THADA: variants seen among roughly 807,000 people sequenced by gnomAD.
THADA encodes the protein tRNA (32-2'-O)-methyltransferase regulator THADA.
Under a neutral mutation model 219.8 loss-of-function variants are expected in THADA, and 213 were observed. That is an observed-to-expected ratio of 0.97 (90% CI 0.87 to 1.09). The LOEUF (loss-of-function observed/expected upper bound fraction) is 1.09, where lower values mean the gene tolerates loss of function less well. THADA is among the 50% of genes least tolerant of loss of function. THADA has a pLI of 0.00. For missense variants in THADA, 2,956 were observed against 2,311.3 expected, an observed-to-expected ratio of 1.28 and a Z score of -5.72; for synonymous variants, 1,018 against 828.9, an observed-to-expected ratio of 1.23 and a Z score of -3.92.
chr2:43,529,467 C>G (rs1299794593), intron 21 of THADA, among the ~76,000 whole-genome samples: 2 of 152,192 alleles, frequency 1.3e-5, no homozygotes, highest in African/African-American at 4.8e-5. Context: ...CTGCATCAGC[C>G]TCCCGAGTAG....
intron 19 of THADA, 108 bp from the exon 20 acceptor site, chr2:43,549,476 A>G: frequency 8.8e-7 from 1 of 1,132,292 alleles, no homozygotes; most frequent in African/African-American, 1.6e-5. Flanking sequence ...CTTAATAATC[A>G]GCTTTATTAG....
intron 3 of THADA, 65 bp downstream of exon 3, chr2:43,591,887 T>C: frequency 8.8e-7 from 1 of 1,138,174 alleles, no homozygotes; most frequent in Non-Finnish European, 1.2e-6. Flanking sequence ...GTCAGTGATT[T>C]TTTTTAAATC....
Position 43,595,020 on chromosome 2 carries a change from A to C in THADA, c.-25+911T>G, listed in dbSNP as rs563785015. Among the ~76,000 whole-genome samples, 22 of 152,336 alleles carry C rather than the reference A, an allele frequency of 1.4e-4. No individual in the cohort carries two copies. In the South Asian group the frequency reaches 4.3e-3, roughly 30 times the overall value. On this transcript the variant is annotated intron_variant, in intron 1 of 37. Coordinates refer to ENST00000405975, the MANE Select transcript of THADA (RefSeq NM_022065.5). ...CAAACTGAATGAAGGCAGCAACTTT[A>C]ATCTATTTTGTTCATGTTTCAAGTC... is the stretch of plus-strand genomic sequence containing the variant.
intron 15 of THADA, chr2:43,563,580 G>A (rs1376302030): frequency 6.6e-6 from 1 of 152,090 alleles, no homozygotes; most frequent in Non-Finnish European, 1.5e-5. Context: ...CCTTGTTTGG[G>A]ACTGTGAATA....
chr2:43,298,103 A>G (rs1278253014), intron 31 of THADA, among the ~76,000 whole-genome samples: 2 of 90,838 alleles, frequency 2.2e-5, no homozygotes, highest in East Asian at 2.5e-4. Flanking sequence ...GGTGTGCCCA[A>G]CAGCTCATTG....
chr2:43,232,930 G>T (rs758513280), intron 36 of THADA, 48 bp from the exon 37 acceptor site: 3 of 1,546,858 alleles, frequency 1.9e-6, no homozygotes, highest in South Asian at 2.4e-5. Context: ...GCTCAGGGCC[G>T]ACCCCAGGGC....
chr2:43,469,634 A>C (rs1453195545), intron 26 of THADA, among the ~76,000 whole-genome samples: 1 of 152,202 alleles, frequency 6.6e-6, no homozygotes, highest in East Asian at 1.9e-4. Context: ...TATATTCTTT[A>C]ACCCAGCATT....
chr2:43,476,880 T>C (rs182199068), intron 26 of THADA, among the ~76,000 whole-genome samples: 7 of 152,326 alleles, frequency 4.6e-5, no homozygotes, highest in African/African-American at 1.7e-4. Flanking sequence ...TGTTAGAAGA[T>C]TCTAACCTAG....
At chr2:43,510,005 C>T (rs1244824503) in intron 22 of THADA, among the ~76,000 whole-genome samples, 1 of 152,090 alleles carries the variant, frequency 6.6e-6, no homozygotes, top group Non-Finnish European at 1.5e-5. Context: ...GACATAACAA[C>T]CAAATGTAGT....
At chr2:43,424,313 C>G (rs1258598064) in intron 28 of THADA, among the ~76,000 whole-genome samples, 2 of 152,186 alleles carry the variant, frequency 1.3e-5, no homozygotes, top group African/African-American at 4.8e-5. Flanking sequence ...GTGCAATTCA[C>G]TTTTAGCAGT....
intron 28 of THADA, among the ~76,000 whole-genome samples, chr2:43,414,385 C>T (rs1405454127): frequency 1.3e-5 from 2 of 152,208 alleles, no homozygotes; most frequent in African/African-American, 2.4e-5. Flanking sequence ...TTGATACTCA[C>T]GTCTTCACAG....
At chr2:43,573,734 A>G (rs1020447324) in intron 11 of THADA, among the ~76,000 whole-genome samples, 2 of 152,214 alleles carry the variant, frequency 1.3e-5, no homozygotes. Flanking sequence ...TGCTTTGTTA[A>G]ACAGAATGTA....
Position 43,293,072 on chromosome 2 carries a change from A to G in THADA, c.4580T>C (p.Val1527Ala). The G allele has an allele frequency of 1.2e-6, 2 of 1,613,930 alleles. No individual in the cohort carries two copies. The highest frequency in any genetic ancestry group is 1.7e-6 in the Non-Finnish European group (2 of 1,179,876). The change falls in exon 32 of 38, where the codon GTG (valine) becomes GCG (alanine). Residue 1527 changes from valine to alanine, a missense_variant. Physicochemically the swap from Val to Ala is moderately conservative, Grantham distance 64. Coordinates refer to ENST00000405975, the MANE Select transcript of THADA (RefSeq NM_022065.5). ...QSLTRLAIAA[V>A]WAAAAKSGER... is the part of the protein sequence containing the mutation. ...TCCACTCTTGGCTGCCGCGGCCCAC[A>G]CTGCAGCAATGGCTAGTCTGGTGAG... is the stretch of plus-strand genomic sequence containing the variant.
intron 36 of THADA, among the ~76,000 whole-genome samples, chr2:43,264,855 A>G (rs895549412): frequency 6.6e-6 from 1 of 152,246 alleles, no homozygotes; most frequent in African/African-American, 2.4e-5. Flanking sequence ...TACCGTGAAC[A>G]TGACAACCAT....
chr2:43,432,713 C>G (rs578132822), intron 26 of THADA, among the ~76,000 whole-genome samples: 2 of 152,256 alleles, frequency 1.3e-5, no homozygotes, highest in Admixed American at 1.3e-4. Context: ...TCCTTTGTAG[C>G]CATCCTTGTG....
rs543489720 is a variant in THADA, at chr2:43,427,298, G to A, written c.4058+802C>T. On this transcript the variant is annotated intron_variant, in intron 28 of 37. Coordinates refer to ENST00000405975, the MANE Select transcript of THADA (RefSeq NM_022065.5). ...TAGCCAGGCTCAACACAGGAATAACGCAAACATGGGGCTATGTCTTTCAAA... is the reference window on the plus strand; with the variant it reads ...TAGCCAGGCTCAACACAGGAATAACACAAACATGGGGCTATGTCTTTCAAA... 5.6e-3 allele frequency among the ~76,000 whole-genome samples: 856 copies of A among 152,176 alleles called. 8 individuals carry two copies. Among genetic ancestry groups the A allele is most frequent in the Non-Finnish European group, 7.9e-3 (537 of 68,004 alleles).
chr2:43,500,140 A>G (rs1688759461), intron 24 of THADA, among the ~76,000 whole-genome samples: 1 of 152,130 alleles, frequency 6.6e-6, no homozygotes. Flanking sequence ...ACAGAACAAG[A>G]TCCCGTCTCT....
chr2:43,556,651 C>A, intron 16 of THADA, 96 bp from the exon 17 acceptor site: 2 of 1,188,750 alleles, frequency 1.7e-6, no homozygotes. Context: ...GAGCTGAGTA[C>A]AGTGGGCTCG....
intron 30 of THADA, among the ~76,000 whole-genome samples, chr2:43,328,973 T>C (rs1679654788): frequency 6.6e-6 from 1 of 152,216 alleles, no homozygotes; most frequent in African/African-American, 2.4e-5. Context: ...TTGTTCTCAT[T>C]ACTGTACTAA....
Sources: gnomAD v4.1 joint callset for allele counts (sites outside exome capture counted in the v4.1 genomes callset) on GRCh38, gnomAD v4.1.1 for gene constraint, MANE v1.5 for transcripts, NCBI Gene and HGNC (gene_info 2026-07-23, HGNC 2026-07-21) for gene names.